HEATR4: variants seen among roughly 807,000 people sequenced by gnomAD.
HEATR4 encodes the protein HEAT repeat containing 4.
Under a neutral mutation model 108.8 loss-of-function variants are expected in HEATR4, and 95 were observed. The observed-to-expected ratio is 0.87, with a 90% CI of 0.74 to 1.04. The LOEUF (loss-of-function observed/expected upper bound fraction) is 1.04, where lower values mean the gene tolerates loss of function less well. HEATR4 is among the 50% of genes least tolerant of loss of function. The pLI, the probability that HEATR4 is intolerant of heterozygous loss-of-function variation, is 0.00. For missense variants in HEATR4, 1,152 were observed against 1,253.8 expected (o/e 0.92, Z 1.23); for synonymous variants, 443 against 459.4 (o/e 0.96, Z 0.46).
At chr14:73,603,881 G>A in the HEATR4 span, among the ~76,000 whole-genome samples, 1 of 151,396 alleles carries the variant, frequency 6.6e-6, no homozygotes, top group African/African-American at 2.4e-5. Flanking sequence ...CTACAGGTGC[G>A]CAGCACCACA....
Position 73,489,280 on chromosome 14 carries a change from G to A in HEATR4, c.2844+3786C>T, listed in dbSNP as rs77663300. On this transcript the variant is annotated intron_variant, in intron 17 of 17. Coordinates refer to ENST00000553558, the MANE Select transcript of HEATR4 (RefSeq NM_001220484.1). ...CCCTATGGAGACAATATCACCCCCA[G>A]TTGATAACTGTGTGTGTAACAGACC... 4.8e-4 allele frequency among the ~76,000 whole-genome samples: 73 copies of A among 152,224 alleles called. 1 individual carries two copies. The East Asian group carries it at 0.012, about 25-fold the overall frequency.
chr14:73,580,515 C>T, the HEATR4 span, among the ~76,000 whole-genome samples: 123,657 of 151,738 alleles, frequency 0.81, 51,204 homozygotes, highest in African/African-American at 0.95. Context: ...TATTTCCACT[C>T]TTCAATTTGT....
chr14:73,593,956 A>C, the HEATR4 span: 1 of 1,512,726 alleles, frequency 6.6e-7, no homozygotes. Context: ...ATTTCCATAG[A>C]GAGTGTAACC....
chr14:73,509,006 A>T (rs1195925604), intron 8 of HEATR4, among the ~76,000 whole-genome samples: 2 of 151,878 alleles, frequency 1.3e-5, no homozygotes, highest in Non-Finnish European at 2.9e-5. Context: ...AGCTGGGTCT[A>T]CAGGAGCACA....
the HEATR4 span, among the ~76,000 whole-genome samples, chr14:73,618,488 G>A: frequency 6.6e-6 from 1 of 151,388 alleles, no homozygotes; most frequent in African/African-American, 2.5e-5. Context: ...TGGAAGAGAA[G>A]GAGTGTGGTG....
At chr14:73,535,881 G>A (rs1270325310) in intron 1 of HEATR4, among the ~76,000 whole-genome samples, 1 of 116,158 alleles carries the variant, frequency 8.6e-6, no homozygotes, top group Non-Finnish European at 1.9e-5. Flanking sequence ...GATTATAGGC[G>A]TGAGCCACCT....
At chr14:73,580,696 G>T in the HEATR4 span, 1 of 152,262 alleles carries the variant, frequency 6.6e-6, no homozygotes, top group Admixed American at 6.6e-5. Context: ...TCCATATCCA[G>T]ATCCAGTCCC....
At chr14:73,605,553 A>G in the HEATR4 span, among the ~76,000 whole-genome samples, 1 of 93,044 alleles carries the variant, frequency 1.1e-5, no homozygotes, top group Non-Finnish European at 2.4e-5. Flanking sequence ...AGGCTGTAAG[A>G]TTCTTTTTTT....
In HEATR4 at chr14:73,528,352, ACTGGACTCCAGC is replaced by A. The variant is rs536330737; in HGVS notation, c.-73+1802_-73+1813del. 1.0e-4 allele frequency among the ~76,000 whole-genome samples: 14 copies of A among 135,086 alleles called. No homozygotes were observed. In the East Asian group the frequency reaches 3.1e-3, roughly 29 times the overall value. The allele number at this position is 135,086 out of a possible 152,430, so 88.6% of individuals were successfully genotyped here. On this transcript the variant is annotated intron_variant, in intron 2 of 17. Coordinates refer to ENST00000553558, the MANE Select transcript of HEATR4 (RefSeq NM_001220484.1). ...GGTTGCAGTGAGCCAAGATCGCGCCACTGGACTCCAGCCTGGACGACAAGAGCGAAACTTCAT... is the reference window on the plus strand; with the variant it reads ...GGTTGCAGTGAGCCAAGATCGCGCCACTGGACGACAAGAGCGAAACTTCAT...
In HEATR4 at chr14:73,535,469, C is replaced by CTTTTTTTTTT. The variant is rs869167008; in HGVS notation, c.-151-5235_-151-5226dup. 2.4e-4 allele frequency among the ~76,000 whole-genome samples: 4 copies of CTTTTTTTTTT among 16,536 alleles called. 1 individual carries two copies. Among genetic ancestry groups the CTTTTTTTTTT allele is most frequent in the Non-Finnish European group, 5.5e-4 (2 of 3,618 alleles). 10.8% of individuals were successfully genotyped at this position (16,536 alleles called of 152,430 possible). A position where few individuals can be genotyped will look rare whatever the true frequency, so the allele number is the denominator to read the frequency against. On this transcript the variant is annotated intron_variant, in intron 1 of 17. Transcript: ENST00000553558. The stretch of plus-strand genomic sequence containing the variant: ...CCTTTTTCTTTTCTTTTTCTTCTTT[C>CTTTTTTTTTT]TTTTTTTTTTTTTTTTTTTTTTTTT...
chr14:73,633,140 G>T, the HEATR4 span, among the ~76,000 whole-genome samples: 1 of 151,726 alleles, frequency 6.6e-6, no homozygotes, highest in Admixed American at 6.6e-5. Context: ...GAGTAGCTGG[G>T]ATTACAGGTG....
At chr14:73,501,546 C>T (rs910709354) in intron 11 of HEATR4, among the ~76,000 whole-genome samples, 4 of 145,564 alleles carry the variant, frequency 2.7e-5, no homozygotes, top group African/African-American at 1.0e-4. Context: ...ACCCACTCTG[C>T]GGCTCCTATG....
At chr14:73,586,068 T>C in the HEATR4 span, among the ~76,000 whole-genome samples, 1 of 151,566 alleles carries the variant, frequency 6.6e-6, no homozygotes, top group African/African-American at 2.4e-5. Flanking sequence ...ATTTCTTTTC[T>C]TATGGAAAAC....
intron 11 of HEATR4, among the ~76,000 whole-genome samples, chr14:73,501,350 C>T (rs1040291509): frequency 6.6e-6 from 1 of 152,026 alleles, no homozygotes; most frequent in African/African-American, 2.4e-5. Flanking sequence ...TGGTCTTGAT[C>T]TCCTGACCTC....
the HEATR4 span, among the ~76,000 whole-genome samples, chr14:73,617,634 ACT>A: frequency 6.6e-6 from 1 of 152,118 alleles, no homozygotes; most frequent in Non-Finnish European, 1.5e-5. Flanking sequence ...TAAGGCAGTT[ACT>A]CTCTCTGGAG....
the HEATR4 span, among the ~76,000 whole-genome samples, chr14:73,614,258 C>T: frequency 1.3e-5 from 2 of 152,026 alleles, no homozygotes; most frequent in Non-Finnish European, 2.9e-5. Flanking sequence ...ATCCTTAAAC[C>T]GAATTCTGTG....
At chr14:73,502,704 C>G (rs1158972263) in intron 11 of HEATR4, among the ~76,000 whole-genome samples, 191 bp downstream of exon 11, 1 of 152,126 alleles carries the variant, frequency 6.6e-6, no homozygotes. Flanking sequence ...TGTGCCACCA[C>G]GCCTGGCTAA....
chr14:73,484,317 A>G (rs1352652555), intron 17 of HEATR4, among the ~76,000 whole-genome samples: 1 of 152,008 alleles, frequency 6.6e-6, no homozygotes, highest in Non-Finnish European at 1.5e-5. Flanking sequence ...GTAAAAGGCC[A>G]GATAGTAGAT....
At chr14:73,595,846 G>A in the HEATR4 span, 1 of 571,234 alleles carries the variant, frequency 1.8e-6, no homozygotes, top group African/African-American at 1.9e-5. Flanking sequence ...AGAAGATTAA[G>A]AGGCATATGA....
Sources: allele counts gnomAD v4.1 joint callset (sites outside exome capture counted in the v4.1 genomes callset), GRCh38; gene constraint gnomAD v4.1.1; transcripts MANE v1.5; gene names NCBI Gene and HGNC (gene_info 2026-07-23, HGNC 2026-07-21).